The following WDR19 variants were observed in gnomAD, a reference collection of about 807,000 sequenced individuals.
WDR19 encodes WD repeat-containing protein 19.
In WDR19, 121 loss-of-function variants were observed where a neutral mutation model predicts 180.0. The observed-to-expected ratio is 0.67, with a 90% confidence interval of 0.58 to 0.78. WDR19 has a LOEUF of 0.78. WDR19 is among the 30% of genes least tolerant of loss of function. WDR19 has a pLI of 0.00. For synonymous variants in WDR19, 497 were observed against 540.7 expected (o/e 0.92, Z 1.12); for missense variants, 1,450 against 1,640.7 (o/e 0.88, Z 2.01).
chr4:39,220,702 G>A (rs1368477248), intron 14 of WDR19, among the ~76,000 whole-genome samples: 1 of 149,982 alleles, frequency 6.7e-6, no homozygotes, highest in Non-Finnish European at 1.5e-5. Context: ...TAGAGACGGG[G>A]TTTCATCATC....
intron 14 of WDR19, among the ~76,000 whole-genome samples, 194 bp from the exon 15 acceptor site, chr4:39,224,690 C>T (rs930296494): frequency 1.3e-5 from 2 of 152,158 alleles, no homozygotes; most frequent in Non-Finnish European, 2.9e-5. Context: ...GCCACTGCGC[C>T]CAGCTTTTCC....
chr4:39,204,665 G>C (rs1313896347), intron 7 of WDR19, among the ~76,000 whole-genome samples: 1 of 152,198 alleles, frequency 6.6e-6, no homozygotes, highest in Non-Finnish European at 1.5e-5. Flanking sequence ...TGCATGAGTA[G>C]CAAAGAGACA....
Position 39,206,596 on chromosome 4 carries a change from G to A in WDR19, c.890+860G>A, listed in dbSNP as rs558637474. Among the ~76,000 whole-genome samples the A allele has an allele frequency of 1.0e-3, 153 of 152,270 alleles. 1 individual carries two copies. The highest frequency in any genetic ancestry group is 3.5e-3 in the African/African-American group (144 of 41,566). The stretch of plus-strand genomic sequence containing the variant: ...CCTAGGGATTGGAAAGTACTAGATT[G>A]ATCATAGGGAGGAAGGAACTCAGGA... On this transcript the variant is annotated intron_variant, in intron 9 of 36. Coordinates refer to ENST00000399820, the MANE Select transcript of WDR19 (RefSeq NM_025132.4).
chr4:39,209,812 A>G (rs184626023), intron 9 of WDR19, among the ~76,000 whole-genome samples: 90 of 152,232 alleles, frequency 5.9e-4, no homozygotes, highest in African/African-American at 1.7e-3. Context: ...GAGAATAGAC[A>G]CAACAAATCA....
intron 14 of WDR19, among the ~76,000 whole-genome samples, chr4:39,221,992 A>G (rs1026535638): frequency 2.0e-5 from 3 of 152,192 alleles, no homozygotes; most frequent in Non-Finnish European, 4.4e-5. Flanking sequence ...CATGTTCAAG[A>G]AACTGGTAAA....
At chr4:39,257,670 T>G (rs181081378) in intron 28 of WDR19, 116 bp downstream of exon 28, 4 of 882,752 alleles carry the variant, frequency 4.5e-6, no homozygotes, top group Non-Finnish European at 7.0e-6. Flanking sequence ...CCTACATACC[T>G]ATCGTGTAAC....
At chr4:39,201,081 G>A (rs935566694) in intron 6 of WDR19, among the ~76,000 whole-genome samples, 1 of 152,072 alleles carries the variant, frequency 6.6e-6, no homozygotes, top group African/African-American at 2.4e-5. Flanking sequence ...GTTGGGGTCG[G>A]GGGTTTCCTC....
At chr4:39,245,816 A>G (rs952922146) in intron 24 of WDR19, among the ~76,000 whole-genome samples, 1 of 152,250 alleles carries the variant, frequency 6.6e-6, no homozygotes, top group African/African-American at 2.4e-5. Context: ...AATTCCACAC[A>G]TACAGCTGCT....
intron 3 of WDR19, 135 bp downstream of exon 3, chr4:39,186,739 A>G (rs150275631): frequency 6.7e-5 from 40 of 594,182 alleles, no homozygotes; most frequent in African/African-American, 6.2e-4. Flanking sequence ...TTTTTTAGCC[A>G]TAAGTAGTTA....
intron 6 of WDR19, among the ~76,000 whole-genome samples, chr4:39,202,140 G>A (rs760909887): frequency 7.2e-5 from 11 of 152,166 alleles, no homozygotes; most frequent in Middle Eastern, 3.4e-3. Flanking sequence ...TTTCAGGAGC[G>A]TCTGTTAGAT....
In WDR19 at chr4:39,185,837, T is replaced by C. The variant is rs1245010867; in HGVS notation, c.98+20T>C. On this transcript the variant is annotated intron_variant, in intron 2 of 36. Transcript: ENST00000399820. ...AACAGGGTAAGAAACCAATGAATGT[T>C]TTAAGCAGTGGTTGCATGCCCATGT... 9 of 1,533,492 alleles carry C rather than the reference T, an allele frequency of 5.9e-6. No homozygotes were observed. Among genetic ancestry groups the C allele is most frequent in the Non-Finnish European group, 8.0e-6 (9 of 1,131,806 alleles). The allele number at this position is 1,533,492 out of a possible 1,614,324, so 95.0% of individuals were successfully genotyped here. A position where few individuals can be genotyped will look rare whatever the true frequency, so the allele number is the denominator to read the frequency against.
At chr4:39,228,748 C>G in intron 17 of WDR19, 58 bp downstream of exon 17, 1 of 1,434,294 alleles carries the variant, frequency 7.0e-7, no homozygotes, top group East Asian at 2.3e-5. Context: ...TTTTAAAGGT[C>G]AAATCCTATA....
chr4:39,209,267 A>G (rs1353503874), intron 9 of WDR19, among the ~76,000 whole-genome samples: 1 of 152,214 alleles, frequency 6.6e-6, no homozygotes, highest in Non-Finnish European at 1.5e-5. Context: ...TAGAGCCCCA[A>G]AGCAATTAAA....
chr4:39,252,199 T>A (rs1430648330), intron 24 of WDR19, among the ~76,000 whole-genome samples: 1 of 151,722 alleles, frequency 6.6e-6, no homozygotes, highest in Non-Finnish European at 1.5e-5. Context: ...TGAGTTCATG[T>A]CCTTTGTAGG....
intron 31 of WDR19, among the ~76,000 whole-genome samples, chr4:39,271,413 C>T (rs1465373123): frequency 1.3e-5 from 2 of 152,030 alleles, no homozygotes; most frequent in Admixed American, 6.6e-5. Context: ...GTATAATTTA[C>T]ATAAATGAGG....
intron 9 of WDR19, among the ~76,000 whole-genome samples, chr4:39,213,587 G>A (rs753824819): frequency 7.2e-5 from 11 of 152,168 alleles, no homozygotes; most frequent in African/African-American, 1.2e-4. Flanking sequence ...GGGGTCAGAA[G>A]GAAGGAGGTG....
At chr4:39,258,553 C>A (rs1298371913) in intron 28 of WDR19, among the ~76,000 whole-genome samples, 2 of 152,114 alleles carry the variant, frequency 1.3e-5, no homozygotes, top group Non-Finnish European at 2.9e-5. Flanking sequence ...TGAGTTGTCT[C>A]CAGTTTGGGC....
rs754677429 is a variant in WDR19 at position 39,192,573 on chromosome 4, G to A, written c.291-1971G>A. Among the ~76,000 whole-genome samples, 96 of 152,208 alleles carry A rather than the reference G, an allele frequency of 6.3e-4. 1 individual carries two copies. The highest frequency in any genetic ancestry group is 1.8e-3 in the Admixed American group (28 of 15,284). ...CAACCTCTACCTCCCGGGTCAAAGC[G>A]ATTCTCCTGCCTCAGCCTCCCAAGT... On this transcript the variant is annotated intron_variant, in intron 4 of 36. Transcript: ENST00000399820.
intron 36 of WDR19, among the ~76,000 whole-genome samples, chr4:39,280,742 C>T (rs1736414172): frequency 6.7e-6 from 1 of 150,074 alleles, no homozygotes; most frequent in Non-Finnish European, 1.5e-5. Flanking sequence ...TTGCTTGAGT[C>T]CAGGAGTTCA....
Sources: gnomAD v4.1 joint callset for allele counts (sites outside exome capture counted in the v4.1 genomes callset) on GRCh38, gnomAD v4.1.1 for gene constraint, MANE v1.5 for transcripts, NCBI Gene and HGNC (gene_info 2026-07-23, HGNC 2026-07-21) for gene names.